MED13L: variants seen among roughly 807,000 people sequenced by gnomAD.
The protein encoded by MED13L is mediator of RNA polymerase II transcription subunit 13-like.
Under a neutral mutation model 220.9 loss-of-function variants are expected in MED13L, and 7 were observed. The observed-to-expected ratio is 0.03, with a 90% CI of 0.02 to 0.06. The LOEUF is 0.06. MED13L is among the 10% of genes least tolerant of loss of function. MED13L has a pLI of 1.00. For synonymous variants in MED13L, 1,011 were observed against 1,015.2 expected (o/e 1.00, Z 0.08); for missense variants, 1,965 against 2,760.5 (o/e 0.71, Z 6.46).
intron 6 of MED13L, 89 bp downstream of exon 6, chr12:116,019,689 A>G: frequency 6.9e-7 from 1 of 1,448,014 alleles, no homozygotes; most frequent in South Asian, 1.2e-5. Context: ...GGGTATGGAG[A>G]TTATTTCTGA....
chr12:116,126,733 A>T (rs916979164), intron 2 of MED13L, among the ~76,000 whole-genome samples: 2 of 152,194 alleles, frequency 1.3e-5, no homozygotes, highest in Admixed American at 1.3e-4. Context: ...CTTCTTTTAT[A>T]GTTATCTTTA....
At position 115,982,511 on chromosome 12, in the gene MED13L, T is replaced by C; in HGVS notation, c.5048A>G (p.Asp1683Gly). 6.2e-7 allele frequency: 1 copy of C among 1,614,126 alleles called. No homozygotes were observed. The highest frequency in any genetic ancestry group is 8.5e-7 in the Non-Finnish European group (1 of 1,180,010). The change falls in exon 22 of 31, where the codon GAC (aspartate) becomes GGC (glycine). Residue 1683 changes from aspartate to glycine, a missense_variant. Physicochemically the swap from Asp to Gly is moderately conservative, Grantham distance 94. Around this residue, in one of 10 missense-constraint regions of MED13L, gnomAD observed 510 missense variants for 620.4 expected, o/e 0.82. Coordinates refer to ENST00000281928, the MANE Select transcript of MED13L (RefSeq NM_015335.5). Reference protein sequence around the residue: ...HPPAVVIYMVDPFTYAAEEDS... With the variant: ...HPPAVVIYMVGPFTYAAEEDS... The stretch of plus-strand genomic sequence containing the variant: ...CTCCTCTGCAGCATACGTGAACGGG[T>C]CCACCATGTAAATGACAACAGCTGG...
At chr12:116,275,952 ATATT>A (rs1565963242) in intron 1 of MED13L, among the ~76,000 whole-genome samples, 2 of 152,246 alleles carry the variant, frequency 1.3e-5, no homozygotes. Context: ...CACAAAGCAC[ATATT>A]TAAAGACCAC....
At chr12:116,001,398 C>T (rs1369048844) in intron 14 of MED13L, among the ~76,000 whole-genome samples, 1 of 152,102 alleles carries the variant, frequency 6.6e-6, no homozygotes, top group Non-Finnish European at 1.5e-5. Context: ...GGTTTCACCA[C>T]GTTGGCCAGG....
chr12:116,153,840 A>G (rs983514460), intron 2 of MED13L, among the ~76,000 whole-genome samples: 8 of 152,184 alleles, frequency 5.3e-5, no homozygotes, highest in African/African-American at 1.9e-4. Flanking sequence ...AGCACACGGA[A>G]GGCTTATTGA....
intron 4 of MED13L, among the ~76,000 whole-genome samples, chr12:116,071,416 G>A (rs901110639): frequency 7.9e-5 from 12 of 152,102 alleles, no homozygotes; most frequent in African/African-American, 2.7e-4. Flanking sequence ...TGCTTTTGTT[G>A]TTGTTTTTGT....
chr12:116,068,741 C>CA (rs1870142712), intron 4 of MED13L, among the ~76,000 whole-genome samples: 1 of 151,824 alleles, frequency 6.6e-6, no homozygotes, highest in Non-Finnish European at 1.5e-5. Context: ...ATTTTAAGGA[C>CA]TCCAATCTGT....
chr12:116,096,673 T>G lies in MED13L; in HGVS notation c.475A>C (p.Lys159Gln). The G allele has an allele frequency of 6.2e-7, 1 of 1,613,988 alleles. No homozygotes were observed. Among genetic ancestry groups the G allele is most frequent in the Non-Finnish European group, 8.5e-7 (1 of 1,179,916 alleles). ...PYEKDEKPVN[K>Q]SEHLSCAFTF... ...AAGAGCATTCTAAAGGCTCACCTTT[T>G]GTTGACTGGCTTTTCATCCTTTTCG... The change falls in exon 4 of 31, where the codon AAA becomes CAA. Residue 159 changes from lysine to glutamine, a missense_variant. Coordinates refer to ENST00000281928, the MANE Select transcript of MED13L (RefSeq NM_015335.5).
chr12:115,980,843 C>T lies in MED13L; in HGVS notation c.5271G>A (p.Gln1757=), dbSNP rs1877278899. Reference sequence around the variant, plus strand: ...TCTGTGTAGGCAGTGGTCGCCTGCACTGGCAGTACACTGAAAATGCCATGG... The same window carrying T: ...TCTGTGTAGGCAGTGGTCGCCTGCATTGGCAGTACACTGAAAATGCCATGG... ...LKSMAFSVYC[Q]CRRPLPTQIH... is the part of the protein sequence containing the mutation. The change falls in exon 23 of 31, where the codon CAG becomes CAA. Residue 1757 remains glutamine, a synonymous_variant. Transcript: ENST00000281928. 2 of 1,605,906 alleles carry T rather than the reference C, an allele frequency of 1.2e-6. No homozygotes were observed. The highest frequency in any genetic ancestry group is 1.4e-5 in the African/African-American group (1 of 72,852).
chr12:116,118,566 T>C (rs942529357), intron 2 of MED13L, among the ~76,000 whole-genome samples: 1 of 152,256 alleles, frequency 6.6e-6, no homozygotes, highest in Non-Finnish European at 1.5e-5. Context: ...GCTGACCCTT[T>C]CAATTTACTA....
At chr12:116,128,726 A>C (rs1396392884) in intron 2 of MED13L, among the ~76,000 whole-genome samples, 3 of 152,236 alleles carry the variant, frequency 2.0e-5, no homozygotes, top group African/African-American at 7.2e-5. Flanking sequence ...CGTGTTCATT[A>C]TATCTGAAAT....
intron 2 of MED13L, among the ~76,000 whole-genome samples, chr12:116,180,572 A>T (rs1441223409): frequency 6.6e-6 from 1 of 152,154 alleles, no homozygotes; most frequent in African/African-American, 2.4e-5. Flanking sequence ...AGCGTTTCAA[A>T]TAGGGGACAC....
intron 2 of MED13L, among the ~76,000 whole-genome samples, chr12:116,123,947 C>G (rs901163683): frequency 4.6e-5 from 7 of 152,030 alleles, no homozygotes; most frequent in African/African-American, 1.7e-4. Flanking sequence ...AATGCATTCT[C>G]GTTACACAAC....
chr12:116,202,267 A>G (rs1882049516), intron 2 of MED13L, among the ~76,000 whole-genome samples: 1 of 152,266 alleles, frequency 6.6e-6, no homozygotes, highest in Admixed American at 6.5e-5. Context: ...ATCCATATTC[A>G]GTAAGGCTGT....
At chr12:115,968,609 G>T (rs1338170999) in intron 28 of MED13L, among the ~76,000 whole-genome samples, 1 of 151,990 alleles carries the variant, frequency 6.6e-6, no homozygotes, top group East Asian at 1.9e-4. Context: ...CCACTATTTT[G>T]GCAAAAAATA....
chr12:115,970,562 G>C (rs1565984800), intron 27 of MED13L, 32 bp downstream of exon 27: 1 of 1,606,394 alleles, frequency 6.2e-7, no homozygotes, highest in African/African-American at 1.3e-5. Context: ...CTGCATGAAG[G>C]TGAGCACTAT....
chr12:116,118,328 AAAATTAT>A (rs1400606938), intron 2 of MED13L, among the ~76,000 whole-genome samples: 2 of 152,118 alleles, frequency 1.3e-5, no homozygotes, highest in African/African-American at 4.8e-5. Context: ...AAAACAATAG[AAAATTAT>A]AAATTATAAG....
chr12:116,277,079 T>A lies in MED13L; in HGVS notation c.53A>T (p.His18Leu). The change falls in exon 1 of 31, where the codon CAC (histidine) becomes CTC (leucine). Residue 18 changes from histidine to leucine, a missense_variant. Around this residue, in one of 10 missense-constraint regions of MED13L, gnomAD observed 818 missense variants for 1,041.2 expected, o/e 0.79. Transcript: ENST00000281928. ...ACTCACCAGCGAAAAGAGGTTGGAGTGACAATCCTCCAGGCTCGCCCCGTT... is the reference window on the plus strand; with the variant it reads ...ACTCACCAGCGAAAAGAGGTTGGAGAGACAATCCTCCAGGCTCGCCCCGTT... ...VANGASLEDC[H>L]SNLFSLAELT... 5 of 1,591,168 alleles carry A rather than the reference T, an allele frequency of 3.1e-6. No individual in the cohort carries two copies. The highest frequency in any genetic ancestry group is 4.3e-6 in the Non-Finnish European group (5 of 1,170,762).
At chr12:116,013,338 G>A (rs531529186) in intron 8 of MED13L, among the ~76,000 whole-genome samples, 8 of 152,302 alleles carry the variant, frequency 5.3e-5, no homozygotes, top group Admixed American at 4.6e-4. Flanking sequence ...AACAATCCCA[G>A]ATTATCCACA....
Sources: gnomAD v4.1 joint callset for allele counts (sites outside exome capture counted in the v4.1 genomes callset) on GRCh38, gnomAD v4.1.1 for gene constraint, gnomAD v4.1.1 regional missense constraint, MANE v1.5 for transcripts, NCBI Gene and HGNC (gene_info 2026-07-23, HGNC 2026-07-21) for gene names.